The following LRP1B variants were observed in gnomAD, a reference collection of about 807,000 sequenced individuals.
LRP1B encodes the protein low-density lipoprotein receptor-related protein 1B.
LRP1B carries 217 observed loss-of-function variants against 556.6 expected under a neutral mutation model. The observed-to-expected ratio is 0.39, with a 90% CI of 0.35 to 0.44. LRP1B has a LOEUF of 0.44. Ranked by LOEUF, LRP1B falls within the 20% of genes least tolerant of loss-of-function variation. The probability of loss-of-function intolerance (pLI) is 1.00; values close to 1 mark genes in which losing one functional copy is unlikely to be tolerated. For synonymous variants in LRP1B, 2,047 were observed against 1,865.8 expected (o/e 1.10, Z -2.50); for missense variants, 5,053 against 5,620.8 (o/e 0.90, Z 3.23).
In LRP1B at chr2:140,851,659, G is replaced by A. The variant is rs149745177; in HGVS notation, c.4704C>T (p.Thr1568=). Residue 1568 remains threonine, a synonymous_variant, in exon 28 of 91, where the codon ACC becomes ACT. Transcript: ENST00000389484. The stretch of plus-strand genomic sequence containing the variant: ...GAACTGTAAGAAATTTACCATAGCA[G>A]GTCTTCTTGTCTGAAGAAAGCTTCA... ...HLMKLSSDKK[T]CYEMKKFLLY... 1.9e-6 allele frequency: 3 copies of A among 1,608,438 alleles called. No homozygotes were observed. The highest frequency in any genetic ancestry group is 2.5e-6 in the Non-Finnish European group (3 of 1,178,148).
At chr2:140,278,002 A>G (rs1342370456) in intron 84 of LRP1B, among the ~76,000 whole-genome samples, 6 of 142,358 alleles carry the variant, frequency 4.2e-5, no homozygotes, top group Admixed American at 1.4e-4. Context: ...TGGATAAACT[A>G]TGTTTCATTT....
chr2:140,320,236 AAACATCTATTTATTGGTGCTT>A (rs143167609), intron 82 of LRP1B, among the ~76,000 whole-genome samples: 3,221 of 152,266 alleles, frequency 0.021, 39 homozygotes, highest in African/African-American at 0.031. Flanking sequence ...CTGGCCACAT[AAACATCTATTTATTGGTGCTT>A]ATCTTATTCA....
intron 77 of LRP1B, among the ~76,000 whole-genome samples, chr2:140,348,688 T>C (rs957882711): frequency 6.6e-6 from 1 of 152,092 alleles, no homozygotes; most frequent in Non-Finnish European, 1.5e-5. Context: ...TGCCATTGGA[T>C]ATGAAAGATT....
At chr2:141,615,997 A>G (rs1029921781) in intron 2 of LRP1B, among the ~76,000 whole-genome samples, 1 of 152,158 alleles carries the variant, frequency 6.6e-6, no homozygotes, top group Non-Finnish European at 1.5e-5. Flanking sequence ...TGTAAAAAAA[A>G]TGCTGGCTGG....
At chr2:141,229,047 T>C in intron 6 of LRP1B, 136 bp downstream of exon 6, 1 of 808,048 alleles carries the variant, frequency 1.2e-6, no homozygotes, top group East Asian at 2.5e-5. Context: ...GTGAATACAG[T>C]AATTCAAGTT....
At chr2:141,509,438 G>A (rs1406449392) in intron 2 of LRP1B, among the ~76,000 whole-genome samples, 1 of 152,094 alleles carries the variant, frequency 6.6e-6, no homozygotes, top group Non-Finnish European at 1.5e-5. Flanking sequence ...TGCCACCAGA[G>A]CTTCTTTGAG....
At chr2:141,963,696 C>T (rs1479416086) in intron 1 of LRP1B, among the ~76,000 whole-genome samples, 2 of 148,176 alleles carry the variant, frequency 1.3e-5, no homozygotes, top group African/African-American at 5.0e-5. Context: ...GACAGGGATG[C>T]CCTCTCTCAC....
intron 1 of LRP1B, among the ~76,000 whole-genome samples, chr2:141,923,942 T>C (rs1700266576): frequency 6.6e-6 from 1 of 151,954 alleles, no homozygotes; most frequent in Non-Finnish European, 1.5e-5. Context: ...GCTAAAAAGC[T>C]TGTGATTACC....
chr2:140,813,833 A>G (rs1427135123), intron 31 of LRP1B, 27 bp from the exon 32 acceptor site: 3 of 1,537,508 alleles, frequency 2.0e-6, no homozygotes, highest in Admixed American at 3.6e-5. Flanking sequence ...CAACTTAAAC[A>G]TAATGATAGC....
intron 1 of LRP1B, among the ~76,000 whole-genome samples, chr2:141,856,039 T>C (rs186302387): frequency 1.3e-5 from 2 of 152,300 alleles, no homozygotes; most frequent in Admixed American, 1.3e-4. Flanking sequence ...GCAATTACCT[T>C]AAGTGCTTTC....
chr2:142,121,105 T>C (rs1163846894), intron 1 of LRP1B, among the ~76,000 whole-genome samples: 1 of 152,196 alleles, frequency 6.6e-6, no homozygotes, highest in Non-Finnish European at 1.5e-5. Context: ...TGGTGCTGCA[T>C]TCGTTCTTAT....
chr2:141,658,361 T>C (rs1690091758), intron 2 of LRP1B, among the ~76,000 whole-genome samples: 1 of 152,220 alleles, frequency 6.6e-6, no homozygotes, highest in Non-Finnish European at 1.5e-5. Flanking sequence ...AAATGAAATT[T>C]ACACATTTCA....
intron 31 of LRP1B, among the ~76,000 whole-genome samples, chr2:140,831,552 G>A (rs950487824): frequency 1.3e-5 from 2 of 152,092 alleles, no homozygotes; most frequent in East Asian, 3.9e-4. Flanking sequence ...AATCTAAGAT[G>A]TAAAACTATT....
intron 1 of LRP1B, among the ~76,000 whole-genome samples, chr2:141,891,018 G>T (rs1194437928): frequency 1.3e-5 from 2 of 152,098 alleles, no homozygotes; most frequent in African/African-American, 2.4e-5. Flanking sequence ...AAGGAATAAT[G>T]ACCTACTTTT....
At chr2:141,228,094 T>G (rs928972154) in intron 6 of LRP1B, among the ~76,000 whole-genome samples, 13 of 152,208 alleles carry the variant, frequency 8.5e-5, no homozygotes, top group African/African-American at 2.9e-4. Context: ...GCCTGGCTAA[T>G]TTTTTATTTT....
intron 7 of LRP1B, among the ~76,000 whole-genome samples, chr2:141,153,583 T>A (rs935447291): frequency 1.5e-4 from 20 of 136,064 alleles, no homozygotes; most frequent in Non-Finnish European, 2.5e-4. Context: ...TAATATATTA[T>A]ATATTAGCTA....
At chr2:141,848,324 G>T (rs1697725365) in intron 1 of LRP1B, among the ~76,000 whole-genome samples, 1 of 151,442 alleles carries the variant, frequency 6.6e-6, no homozygotes, top group African/African-American at 2.4e-5. Context: ...AGTGAAGGGA[G>T]GACATGAAAT....
intron 3 of LRP1B, among the ~76,000 whole-genome samples, chr2:141,399,508 T>C (rs547318804): frequency 6.6e-6 from 1 of 152,282 alleles, no homozygotes; most frequent in African/African-American, 2.4e-5. Context: ...AAACTGCAGA[T>C]CTTTAAACTA....
intron 3 of LRP1B, among the ~76,000 whole-genome samples, chr2:141,465,674 C>CA (rs1682163074): frequency 6.6e-6 from 1 of 151,906 alleles, no homozygotes; most frequent in Non-Finnish European, 1.5e-5. Context: ...CTCAGCCCCC[C>CA]AAGTAGCTAG....
Sources: gnomAD v4.1 joint callset for allele counts (sites outside exome capture counted in the v4.1 genomes callset) on GRCh38, gnomAD v4.1.1 for gene constraint, MANE v1.5 for transcripts, NCBI Gene and HGNC (gene_info 2026-07-23, HGNC 2026-07-21) for gene names.